VTI1A: variants seen among roughly 807,000 people sequenced by gnomAD.
The protein encoded by VTI1A is vesicle transport through interaction with t-SNAREs homolog 1A.
Under a neutral mutation model 34.9 loss-of-function variants are expected in VTI1A, and 22 were observed. The ratio of observed to expected loss-of-function variants is 0.63; its 90% CI spans 0.45 to 0.90. The LOEUF (loss-of-function observed/expected upper bound fraction) is 0.90, where lower values mean the gene tolerates loss of function less well. VTI1A is among the 40% of genes least tolerant of loss of function. The probability of loss-of-function intolerance (pLI) is 0.00; values close to 1 mark genes in which losing one functional copy is unlikely to be tolerated. For missense variants in VTI1A, 268 were observed against 275.6 expected, an observed-to-expected ratio of 0.97 and a Z score of 0.20; for synonymous variants, 87 against 97.3, an observed-to-expected ratio of 0.89 and a Z score of 0.62.
intron 4 of VTI1A, among the ~76,000 whole-genome samples, chr10:112,537,074 AAT>A (rs1850656133): frequency 6.6e-6 from 1 of 151,794 alleles, no homozygotes; most frequent in Non-Finnish European, 1.5e-5. Flanking sequence ...CCACTCAGAT[AAT>A]ATGTGTGGCA....
At chr10:112,471,680 T>G (rs1046015529) in intron 3 of VTI1A, among the ~76,000 whole-genome samples, 8 of 152,022 alleles carry the variant, frequency 5.3e-5, no homozygotes, top group African/African-American at 1.9e-4. Flanking sequence ...GAAAACAACT[T>G]TTAAAAAAAA....
chr10:112,471,583 C>T (rs920501485), intron 3 of VTI1A, among the ~76,000 whole-genome samples: 4 of 151,932 alleles, frequency 2.6e-5, no homozygotes, highest in African/African-American at 4.8e-5. Flanking sequence ...ACTAAGCACC[C>T]GTTTTAATGT....
chr10:112,727,946 T>G (rs1220559763), intron 7 of VTI1A, among the ~76,000 whole-genome samples: 1 of 152,096 alleles, frequency 6.6e-6, no homozygotes, highest in African/African-American at 2.4e-5. Context: ...ACCGACCAAC[T>G]TAAGGAGGGG....
chr10:112,749,571 C>T (rs921986634), intron 7 of VTI1A, among the ~76,000 whole-genome samples: 8 of 152,294 alleles, frequency 5.3e-5, no homozygotes, highest in Middle Eastern at 3.4e-3. Flanking sequence ...AGCAGTCCTT[C>T]GTATTGCCTG....
chr10:112,841,633 C>A, the VTI1A span, among the ~76,000 whole-genome samples: 3 of 152,152 alleles, frequency 2.0e-5, no homozygotes, highest in Non-Finnish European at 2.9e-5. Flanking sequence ...GCTGTCATCA[C>A]AAAATAGAAA....
intron 7 of VTI1A, among the ~76,000 whole-genome samples, chr10:112,687,692 T>G (rs1848467347): frequency 6.6e-6 from 1 of 152,184 alleles, no homozygotes; most frequent in Non-Finnish European, 1.5e-5. Context: ...TCATTCTTGG[T>G]GCACAACTGC....
chr10:112,616,030 A>T (rs980926844), intron 5 of VTI1A, among the ~76,000 whole-genome samples: 1 of 152,200 alleles, frequency 6.6e-6, no homozygotes, highest in Admixed American at 6.5e-5. Context: ...TTCTCAACCT[A>T]GGAGGCTGTT....
At chr10:112,722,861 C>T (rs182580662) in intron 7 of VTI1A, among the ~76,000 whole-genome samples, 1 of 152,266 alleles carries the variant, frequency 6.6e-6, no homozygotes, top group East Asian at 1.9e-4. Context: ...GAGCATGAGT[C>T]CAGGCAAAAT....
At chr10:112,517,461 A>C (rs1296238829) in intron 3 of VTI1A, among the ~76,000 whole-genome samples, 1 of 152,130 alleles carries the variant, frequency 6.6e-6, no homozygotes, top group Non-Finnish European at 1.5e-5. Flanking sequence ...ATTTATGTAG[A>C]TACTCCGCCC....
intron 5 of VTI1A, among the ~76,000 whole-genome samples, chr10:112,605,029 G>A (rs950728136): frequency 1.3e-5 from 2 of 151,844 alleles, no homozygotes; most frequent in African/African-American, 2.4e-5. Flanking sequence ...AATTCCTTTC[G>A]GTATACATTA....
chr10:112,631,828 T>C (rs1846141598), intron 5 of VTI1A, among the ~76,000 whole-genome samples: 1 of 152,196 alleles, frequency 6.6e-6, no homozygotes, highest in African/African-American at 2.4e-5. Context: ...TGACTCATAA[T>C]GCTCCATGTA....
intron 7 of VTI1A, among the ~76,000 whole-genome samples, chr10:112,804,662 C>T (rs990506423): frequency 5.3e-5 from 8 of 152,006 alleles, no homozygotes; most frequent in Admixed American, 2.0e-4. Context: ...CGGCCTTTGT[C>T]GTGAGGCTTC....
the VTI1A span, among the ~76,000 whole-genome samples, chr10:112,847,517 A>G: frequency 1.3e-5 from 2 of 152,226 alleles, no homozygotes; most frequent in Non-Finnish European, 2.9e-5. Context: ...TCTGTTTCCC[A>G]TCAGGAGCAA....
intron 4 of VTI1A, among the ~76,000 whole-genome samples, chr10:112,537,439 C>T (rs1022804579): frequency 6.7e-6 from 1 of 149,156 alleles, no homozygotes; most frequent in African/African-American, 2.5e-5. Context: ...CAAAAAAAAT[C>T]AACAACAACC....
intron 3 of VTI1A, among the ~76,000 whole-genome samples, chr10:112,506,390 G>T (rs909288233): frequency 6.6e-6 from 1 of 152,162 alleles, no homozygotes; most frequent in African/African-American, 2.4e-5. Flanking sequence ...TGAGATTTCA[G>T]ACATCCACAG....
At chr10:112,527,649 G>C (rs1379350508) in intron 4 of VTI1A, among the ~76,000 whole-genome samples, 2 of 151,780 alleles carry the variant, frequency 1.3e-5, no homozygotes, top group South Asian at 4.1e-4. Context: ...CAAATTGGAA[G>C]CACCAGTGTG....
At chr10:112,672,484 A>T (rs541640092) in intron 7 of VTI1A, among the ~76,000 whole-genome samples, 2 of 152,350 alleles carry the variant, frequency 1.3e-5, no homozygotes, top group Non-Finnish European at 2.9e-5. Context: ...CAAACTGTTC[A>T]TTTCCTAACT....
At chr10:112,507,809 T>C (rs1421695166) in intron 3 of VTI1A, among the ~76,000 whole-genome samples, 1 of 152,216 alleles carries the variant, frequency 6.6e-6, no homozygotes, top group African/African-American at 2.4e-5. Flanking sequence ...CCTAATCTAT[T>C]GTGCCAGGTC....
chr10:112,737,078 CTT>C (rs903794612), intron 7 of VTI1A: 95 of 306,890 alleles, frequency 3.1e-4, no homozygotes, highest in East Asian at 4.2e-4. Context: ...TTTTCTTTTT[CTT>C]TTTTTTTTTG....
Sources: allele counts gnomAD v4.1 joint callset (sites outside exome capture counted in the v4.1 genomes callset), GRCh38; gene constraint gnomAD v4.1.1; transcripts MANE v1.5; gene names NCBI Gene and HGNC (gene_info 2026-07-23, HGNC 2026-07-21).